Variants in FCHO2 observed in about 807,000 individuals in gnomAD.
The protein encoded by FCHO2 is FCH and mu domain containing endocytic adaptor 2.
Under a neutral mutation model 114.1 loss-of-function variants are expected in FCHO2, and 43 were observed. That is an observed-to-expected ratio of 0.38 (90% CI 0.30 to 0.49). The LOEUF (loss-of-function observed/expected upper bound fraction) is 0.49, where lower values mean the gene tolerates loss of function less well. FCHO2 is among the 20% of genes least tolerant of loss of function. The pLI, the probability that FCHO2 is intolerant of heterozygous loss-of-function variation, is 0.97. For synonymous variants in FCHO2, 293 were observed against 315.2 expected (o/e 0.93, Z 0.75); for missense variants, 807 against 950.4 (o/e 0.85, Z 1.98).
intron 8 of FCHO2, among the ~76,000 whole-genome samples, chr5:73,029,958 C>A (rs2112783106): frequency 6.6e-6 from 1 of 152,206 alleles, no homozygotes; most frequent in African/African-American, 2.4e-5. Flanking sequence ...GTATCAGGTA[C>A]ATACAAGAAT....
intron 5 of FCHO2, among the ~76,000 whole-genome samples, chr5:73,006,091 A>G (rs1220076874): frequency 2.0e-5 from 3 of 150,798 alleles, no homozygotes; most frequent in Admixed American, 2.0e-4. Flanking sequence ...ACATTTTTGT[A>G]TATTGTCTGG....
chr5:72,997,549 C>A, intron 5 of FCHO2: 2 of 1,318,224 alleles, frequency 1.5e-6, no homozygotes, highest in Non-Finnish European at 2.2e-6. Flanking sequence ...GTGACACAAC[C>A]CTTCTCAACC....
At chr5:72,973,229 G>A (rs994296163) in intron 2 of FCHO2, among the ~76,000 whole-genome samples, 169 of 152,168 alleles carry the variant, frequency 1.1e-3, no homozygotes, top group Middle Eastern at 0.01. Flanking sequence ...AATGAGTTAG[G>A]GAGGATTCCC....
chr5:73,006,378 T>G (rs1442984695), intron 5 of FCHO2, 67 bp from the exon 6 acceptor site: 1 of 940,576 alleles, frequency 1.1e-6, no homozygotes, highest in African/African-American at 1.7e-5. Context: ...TTATTCATAT[T>G]AACTTACATT....
At chr5:73,034,510 G>T in intron 8 of FCHO2, 147 bp from the exon 9 acceptor site, 2 of 503,860 alleles carry the variant, frequency 4.0e-6, no homozygotes. Context: ...TTAATTATTA[G>T]GTAACAACTA....
At chr5:73,008,689 A>AT (rs980122015) in intron 6 of FCHO2, among the ~76,000 whole-genome samples, 19 of 151,326 alleles carry the variant, frequency 1.3e-4, no homozygotes, top group South Asian at 4.2e-4. Flanking sequence ...AAAACCAAGT[A>AT]TTTTTTTTTC....
chr5:73,030,223 G>A (rs1439679291), intron 8 of FCHO2, among the ~76,000 whole-genome samples: 1 of 151,714 alleles, frequency 6.6e-6, no homozygotes. Flanking sequence ...TGTATTTTTA[G>A]TAGAGATGGG....
chr5:73,034,739 A>G (rs766217235), intron 9 of FCHO2, 38 bp downstream of exon 9: 1 of 1,506,004 alleles, frequency 6.6e-7, no homozygotes, highest in Non-Finnish European at 9.0e-7. Flanking sequence ...TGCACATGGC[A>G]GCTAGCTAGT....
intron 19 of FCHO2, among the ~76,000 whole-genome samples, chr5:73,069,735 T>A (rs1054887270): frequency 6.6e-6 from 1 of 152,130 alleles, no homozygotes; most frequent in African/African-American, 2.4e-5. Flanking sequence ...AGCATAGCTA[T>A]ATGAACCTAA....
chr5:73,006,564 G>T lies in FCHO2; in HGVS notation c.600+15G>T. ...AAACAGCTCAGGTTGGTATTTTAAGGCTTCAGATTGAAAACAGGGCATTTA... is the reference window on the plus strand; with the variant it reads ...AAACAGCTCAGGTTGGTATTTTAAGTCTTCAGATTGAAAACAGGGCATTTA... On this transcript the variant is annotated intron_variant, in intron 6 of 25. Transcript: ENST00000430046. 2 of 1,465,060 alleles carry T rather than the reference G, an allele frequency of 1.4e-6. No individual in the cohort carries two copies. The highest frequency in any genetic ancestry group is 1.8e-6 in the Non-Finnish European group (2 of 1,105,096). The allele number at this position is 1,465,060 out of a possible 1,614,324, so 90.8% of individuals were successfully genotyped here.
chr5:72,967,701 C>T (rs1752278600), intron 1 of FCHO2, among the ~76,000 whole-genome samples: 1 of 151,992 alleles, frequency 6.6e-6, no homozygotes, highest in Non-Finnish European at 1.5e-5. Context: ...CTCACTGCAA[C>T]CTCCACCTCC....
Position 73,034,904 on chromosome 5 carries a change from G to T in FCHO2, c.841+203G>T, listed in dbSNP as rs57722083. On this transcript the variant is annotated intron_variant, in intron 9 of 25. Coordinates refer to ENST00000430046, the MANE Select transcript of FCHO2 (RefSeq NM_138782.3). ...AACAGATTTTCCCAAAATAATATTA[G>T]TGTGTTAGATTATATATTTTTAAAG... is the stretch of plus-strand genomic sequence containing the variant. Among the ~76,000 whole-genome samples, 929 of 152,262 alleles carry T rather than the reference G, an allele frequency of 6.1e-3. 14 individuals carry two copies. The highest frequency in any genetic ancestry group is 0.021 in the African/African-American group (886 of 41,558).
intron 12 of FCHO2, 57 bp downstream of exon 12, chr5:73,051,463 T>A (rs1248612531): frequency 8.7e-7 from 1 of 1,148,116 alleles, no homozygotes; most frequent in Non-Finnish European, 1.2e-6. Flanking sequence ...AGTAGGCAGT[T>A]ATAAGAAAAT....
At chr5:73,013,623 C>T (rs540506917) in intron 6 of FCHO2, among the ~76,000 whole-genome samples, 183 of 152,202 alleles carry the variant, frequency 1.2e-3, no homozygotes, top group African/African-American at 4.3e-3. Flanking sequence ...TAGAAAATGC[C>T]GGGTTAAGCA....
At chr5:73,074,687 A>T in intron 19 of FCHO2, 55 bp from the exon 20 acceptor site, 1 of 1,459,810 alleles carries the variant, frequency 6.9e-7, no homozygotes, top group Non-Finnish European at 9.4e-7. Flanking sequence ...AACTATCTTG[A>T]TATTTAATTT....
chr5:73,012,545 T>A (rs185818352), intron 6 of FCHO2, among the ~76,000 whole-genome samples: 1 of 144,400 alleles, frequency 6.9e-6, no homozygotes, highest in Non-Finnish European at 1.5e-5. Flanking sequence ...CTTGAACCCA[T>A]GAGGCAGAGG....
At chr5:72,976,223 A>ATATG (rs1491252277) in intron 2 of FCHO2, among the ~76,000 whole-genome samples, 3 of 152,104 alleles carry the variant, frequency 2.0e-5, no homozygotes, top group African/African-American at 7.2e-5. Flanking sequence ...TCCTGATGAC[A>ATATG]TATGATGTGG....
At chr5:72,990,973 C>T (rs1753779387) in intron 5 of FCHO2, 109 bp downstream of exon 5, 1 of 1,259,544 alleles carries the variant, frequency 7.9e-7, no homozygotes, top group Non-Finnish European at 1.1e-6. Flanking sequence ...AAGATGAAGA[C>T]ACTGTGCCTT....
chr5:73,060,070 A>G (rs1757784431), intron 17 of FCHO2, among the ~76,000 whole-genome samples: 1 of 151,974 alleles, frequency 6.6e-6, no homozygotes, highest in Non-Finnish European at 1.5e-5. Flanking sequence ...TATTTTCTCT[A>G]GTACAGTCTC....
Sources: allele counts gnomAD v4.1 joint callset (sites outside exome capture counted in the v4.1 genomes callset), GRCh38; gene constraint gnomAD v4.1.1; transcripts MANE v1.5; gene names NCBI Gene and HGNC (gene_info 2026-07-23, HGNC 2026-07-21).